UBE2F: variants seen among roughly 807,000 people sequenced by gnomAD.
The protein encoded by UBE2F is ubiquitin conjugating enzyme E2 F (putative).
In UBE2F, 5 loss-of-function variants were observed where a neutral mutation model predicts 29.6. That is an observed-to-expected ratio of 0.17 (90% CI 0.09 to 0.36). UBE2F has a LOEUF of 0.36. Among genes scored for constraint, UBE2F ranks in the 10% least tolerant of loss-of-function variants. The pLI is 1.00. For synonymous variants in UBE2F, 66 were observed against 81.8 expected (o/e 0.81, Z 1.04); for missense variants, 141 against 228.5 (o/e 0.62, Z 2.47).
chr2:237,993,133 G>T (rs201847169), intron 3 of UBE2F, among the ~76,000 whole-genome samples: 1 of 151,768 alleles, frequency 6.6e-6, no homozygotes, highest in African/African-American at 2.4e-5. Flanking sequence ...GACTACAGGC[G>T]CCCGCCACCT....
chr2:238,009,116 T>A (rs1421363993), intron 4 of UBE2F, among the ~76,000 whole-genome samples: 1 of 152,272 alleles, frequency 6.6e-6, no homozygotes, highest in Non-Finnish European at 1.5e-5. Context: ...TGTTCCACTT[T>A]ATGCGATGTG....
intron 4 of UBE2F, among the ~76,000 whole-genome samples, chr2:238,001,571 A>G (rs2063794131): frequency 6.6e-6 from 1 of 152,026 alleles, no homozygotes; most frequent in Non-Finnish European, 1.5e-5. Context: ...TAATGCCAGC[A>G]TTTTGGGAGG....
At chr2:238,028,837 T>C (rs1292660026) in intron 6 of UBE2F, 2 of 152,234 alleles carry the variant, frequency 1.3e-5, no homozygotes, top group African/African-American at 4.8e-5. Flanking sequence ...GCCTGATATT[T>C]TATTTACAGA....
intron 3 of UBE2F, among the ~76,000 whole-genome samples, chr2:237,989,021 A>G (rs1435736383): frequency 1.3e-5 from 2 of 152,194 alleles, no homozygotes; most frequent in African/African-American, 2.4e-5. Context: ...TTAATCTTCC[A>G]AACCCTTGAT....
At chr2:237,990,517 C>T (rs1156799888) in intron 3 of UBE2F, 11 of 385,626 alleles carry the variant, frequency 2.9e-5, no homozygotes, top group South Asian at 1.7e-4. Flanking sequence ...ATCTTCCCAC[C>T]TCAGTCTCCT....
chr2:238,018,965 TGTTTCCCTTATTA>T (rs1009892543), intron 5 of UBE2F, among the ~76,000 whole-genome samples: 2 of 152,170 alleles, frequency 1.3e-5, no homozygotes, highest in East Asian at 1.9e-4. Flanking sequence ...CTTGAAGACT[TGTTTCCCTTATTA>T]GTTTCCCTTA....
intron 2 of UBE2F, among the ~76,000 whole-genome samples, chr2:237,977,264 A>G (rs555114543): frequency 1.3e-5 from 2 of 152,164 alleles, no homozygotes; most frequent in African/African-American, 4.8e-5. Flanking sequence ...TGCAGAGCCA[A>G]CGCTTGAGGC....
chr2:237,984,519 A>C (rs971334562), intron 2 of UBE2F, among the ~76,000 whole-genome samples: 2 of 152,096 alleles, frequency 1.3e-5, no homozygotes, highest in Non-Finnish European at 2.9e-5. Flanking sequence ...CTTTTCCCCT[A>C]ACTCTGCAGG....
chr2:237,972,932 G>C, intron 1 of UBE2F, among the ~76,000 whole-genome samples, 160 bp from the exon 2 acceptor site: 1 of 152,134 alleles, frequency 6.6e-6, no homozygotes. Context: ...CTTCTCAAAT[G>C]TATTATGAAG....
At chr2:238,023,274 C>G (rs2064337208) in intron 5 of UBE2F, among the ~76,000 whole-genome samples, 1 of 152,240 alleles carries the variant, frequency 6.6e-6, no homozygotes, top group Non-Finnish European at 1.5e-5. Flanking sequence ...GGGAAAGATG[C>G]AGTTCCTCCT....
At chr2:238,033,797 G>C (rs1186143071) in intron 8 of UBE2F, among the ~76,000 whole-genome samples, 1 of 152,222 alleles carries the variant, frequency 6.6e-6, no homozygotes, top group Non-Finnish European at 1.5e-5. Flanking sequence ...GACAGTTTCT[G>C]CTGGTCTTAG....
intron 3 of UBE2F, among the ~76,000 whole-genome samples, chr2:237,994,031 T>A (rs1029304300): frequency 6.6e-6 from 1 of 152,098 alleles, no homozygotes; most frequent in South Asian, 2.1e-4. Flanking sequence ...AGGTATTTTT[T>A]AAAAAGACAA....
At chr2:238,011,522 G>A (rs1267764001) in intron 4 of UBE2F, among the ~76,000 whole-genome samples, 2 of 152,200 alleles carry the variant, frequency 1.3e-5, no homozygotes, top group Non-Finnish European at 2.9e-5. Flanking sequence ...TGTCACCAGG[G>A]CCTAGAACTG....
chr2:237,993,414 C>G (rs1377735870), intron 3 of UBE2F, among the ~76,000 whole-genome samples: 1 of 152,172 alleles, frequency 6.6e-6, no homozygotes, highest in Non-Finnish European at 1.5e-5. Context: ...CAGTGGTGAA[C>G]TGAGAAGTTT....
At chr2:237,994,197 A>G (rs1352513720) in intron 3 of UBE2F, among the ~76,000 whole-genome samples, 6 of 146,860 alleles carry the variant, frequency 4.1e-5, no homozygotes, top group African/African-American at 1.3e-4. Flanking sequence ...TGCAACCTCC[A>G]TCTCCTGGGT....
At chr2:238,019,654 C>CTTTTTTTTTT (rs375103007) in intron 5 of UBE2F, among the ~76,000 whole-genome samples, 6 of 78,012 alleles carry the variant, frequency 7.7e-5, no homozygotes, top group African/African-American at 1.1e-4. Context: ...TGTGCTCAGC[C>CTTTTTTTTTT]TTTTTTTTTT....
At chr2:238,018,989 T>C (rs1244366274) in intron 5 of UBE2F, among the ~76,000 whole-genome samples, 2 of 152,182 alleles carry the variant, frequency 1.3e-5, no homozygotes, top group African/African-American at 4.8e-5. Flanking sequence ...GTTTCCCTTA[T>C]TAGTTTGAGA....
Position 237,986,736 on chromosome 2 carries a change from T to A in UBE2F, c.119-1227T>A, listed in dbSNP as rs149842385. On this transcript the variant is annotated intron_variant, in intron 2 of 9. Transcript: ENST00000272930. ...AATTTTATTCCCTTGCATGTGAATATCCAGTTTTCCCAACACCATTTATTG... is the reference window on the plus strand; with the variant it reads ...AATTTTATTCCCTTGCATGTGAATAACCAGTTTTCCCAACACCATTTATTG... 4.4e-3 allele frequency among the ~76,000 whole-genome samples: 671 copies of A among 152,360 alleles called. 2 individuals carry two copies. Among genetic ancestry groups the A allele is most frequent in the Middle Eastern group, 0.024 (7 of 294 alleles).
intron 1 of UBE2F, among the ~76,000 whole-genome samples, chr2:237,972,619 C>T (rs183090478): frequency 4.8e-5 from 7 of 146,756 alleles, no homozygotes; most frequent in Admixed American, 7.0e-5. Context: ...GGCACAATCA[C>T]GGCTCACGGT....
Sources: gnomAD v4.1 joint callset for allele counts (sites outside exome capture counted in the v4.1 genomes callset) on GRCh38, gnomAD v4.1.1 for gene constraint, MANE v1.5 for transcripts, NCBI Gene and HGNC (gene_info 2026-07-23, HGNC 2026-07-21) for gene names.